The following NCOA2 variants were observed in gnomAD, a reference collection of about 807,000 sequenced individuals.
NCOA2 encodes class E basic helix-loop-helix protein 75.
A neutral mutation model predicts 145.1 loss-of-function variants in NCOA2; 21 were observed. That is an observed-to-expected ratio of 0.14 (90% CI 0.10 to 0.21). The LOEUF is 0.21. NCOA2 is among the 10% of genes least tolerant of loss of function. The pLI, the probability that NCOA2 is intolerant of heterozygous loss-of-function variation, is 1.00. For synonymous variants in NCOA2, 619 were observed against 637.5 expected (o/e 0.97, Z 0.44); for missense variants, 1,472 against 1,837.6 (o/e 0.80, Z 3.64).
chr8:70,335,659 T>C (rs1807521696), intron 1 of NCOA2, among the ~76,000 whole-genome samples: 1 of 152,234 alleles, frequency 6.6e-6, no homozygotes, highest in Admixed American at 6.5e-5. Flanking sequence ...TGAATTTGAC[T>C]ACTCTAGGTA....
intron 4 of NCOA2, among the ~76,000 whole-genome samples, chr8:70,187,606 C>G: frequency 6.6e-6 from 1 of 152,072 alleles, no homozygotes; most frequent in Non-Finnish European, 1.5e-5. Flanking sequence ...ACGAAAAACT[C>G]TCAGAAAATT....
chr8:70,193,354 C>T (rs1198603190), intron 4 of NCOA2, among the ~76,000 whole-genome samples: 2 of 151,894 alleles, frequency 1.3e-5, no homozygotes, highest in East Asian at 1.9e-4. Flanking sequence ...ATAGTTAAAT[C>T]TCAGAAAAAG....
At chr8:70,116,326 C>T (rs139218855) in intron 22 of NCOA2, among the ~76,000 whole-genome samples, 2 of 151,968 alleles carry the variant, frequency 1.3e-5, no homozygotes, top group Non-Finnish European at 1.5e-5. Context: ...CCGAGGCAGG[C>T]GGATCATTTG....
the NCOA2 span, among the ~76,000 whole-genome samples, chr8:70,427,397 C>T: frequency 5.3e-5 from 8 of 152,144 alleles, no homozygotes; most frequent in Admixed American, 1.3e-4. Flanking sequence ...TGTGTTCACA[C>T]GAATGATCTA....
chr8:70,314,445 T>C (rs866118425), intron 1 of NCOA2, among the ~76,000 whole-genome samples: 16 of 152,016 alleles, frequency 1.1e-4, no homozygotes, highest in African/African-American at 3.4e-4. Context: ...AAACAGCATA[T>C]TTTGGAAGGT....
the NCOA2 span, among the ~76,000 whole-genome samples, chr8:70,435,953 G>A: frequency 6.6e-6 from 1 of 152,012 alleles, no homozygotes; most frequent in Non-Finnish European, 1.5e-5. Flanking sequence ...TGCGTGCCAC[G>A]ACGTCTGACA....
intron 2 of NCOA2, among the ~76,000 whole-genome samples, chr8:70,272,336 C>T (rs1380475341): frequency 1.3e-5 from 2 of 152,190 alleles, no homozygotes; most frequent in African/African-American, 4.8e-5. Flanking sequence ...AAGCAAAGCA[C>T]AGGCTTCAAC....
chr8:70,383,364 T>C (rs920003870), intron 1 of NCOA2, among the ~76,000 whole-genome samples: 1 of 152,268 alleles, frequency 6.6e-6, no homozygotes, highest in Non-Finnish European at 1.5e-5. Flanking sequence ...TCAGAAGTTT[T>C]ACTAGAAGTT....
chr8:70,420,607 CTG>C, the NCOA2 span, among the ~76,000 whole-genome samples: 1 of 152,088 alleles, frequency 6.6e-6, no homozygotes, highest in Admixed American at 6.6e-5. Context: ...CTTCAGGAGG[CTG>C]GGGGTGGCTG....
At chr8:70,393,373 G>A (rs1220019359) in intron 1 of NCOA2, among the ~76,000 whole-genome samples, 2 of 152,158 alleles carry the variant, frequency 1.3e-5, no homozygotes, top group African/African-American at 4.8e-5. Context: ...ATGAGCTCCT[G>A]GTGGGATATC....
chr8:70,180,551 C>T (rs1389271083), intron 4 of NCOA2, among the ~76,000 whole-genome samples: 1 of 152,112 alleles, frequency 6.6e-6, no homozygotes, highest in Non-Finnish European at 1.5e-5. Flanking sequence ...TTCGTGCTTT[C>T]TCTTAGAACA....
intron 2 of NCOA2, among the ~76,000 whole-genome samples, chr8:70,292,855 T>C (rs752340104): frequency 3.9e-5 from 6 of 152,174 alleles, no homozygotes; most frequent in Non-Finnish European, 8.8e-5. Context: ...AAGAGTAAAC[T>C]GCCTGTCAGT....
chr8:70,417,062 A>G, the NCOA2 span, among the ~76,000 whole-genome samples: 10 of 152,092 alleles, frequency 6.6e-5, no homozygotes, highest in East Asian at 1.2e-3. Flanking sequence ...TAAGGAAACA[A>G]TTACAGCCTC....
intron 4 of NCOA2, among the ~76,000 whole-genome samples, chr8:70,201,784 C>T (rs910933285): frequency 3.3e-5 from 5 of 152,102 alleles, no homozygotes; most frequent in Admixed American, 6.6e-5. Flanking sequence ...AAAGCTTCAG[C>T]GCAAGAAATA....
intron 22 of NCOA2, among the ~76,000 whole-genome samples, chr8:70,113,913 C>T (rs1045594567): frequency 4.6e-5 from 7 of 152,176 alleles, no homozygotes; most frequent in Non-Finnish European, 1.0e-4. Flanking sequence ...GATGATGAAT[C>T]TCTCCTTAAT....
intron 4 of NCOA2, among the ~76,000 whole-genome samples, chr8:70,208,686 C>G (rs1818718142): frequency 6.6e-6 from 1 of 152,218 alleles, no homozygotes; most frequent in African/African-American, 2.4e-5. Flanking sequence ...AATGCTAAAT[C>G]TACTCTGCCT....
chr8:70,226,042 T>G (rs1586170683), intron 2 of NCOA2, among the ~76,000 whole-genome samples: 1 of 152,088 alleles, frequency 6.6e-6, no homozygotes, highest in East Asian at 1.9e-4. Context: ...ACTATAAATG[T>G]TTATAAAATA....
At chr8:70,276,342 A>C (rs1825464597) in intron 2 of NCOA2, among the ~76,000 whole-genome samples, 1 of 152,208 alleles carries the variant, frequency 6.6e-6, no homozygotes, top group African/African-American at 2.4e-5. Context: ...AAAGATTAAC[A>C]TTAAAGAATA....
At chr8:70,386,632 T>C (rs765543970) in intron 1 of NCOA2, among the ~76,000 whole-genome samples, 23 of 152,196 alleles carry the variant, frequency 1.5e-4, no homozygotes, top group Non-Finnish European at 2.6e-4. Flanking sequence ...AATTCTAGAA[T>C]GTAAAGAAAA....
Sources: allele counts gnomAD v4.1 joint callset (sites outside exome capture counted in the v4.1 genomes callset), GRCh38; gene constraint gnomAD v4.1.1; transcripts MANE v1.5; gene names NCBI Gene and HGNC (gene_info 2026-07-23, HGNC 2026-07-21).